Variants in G6PD observed in about 807,000 individuals in gnomAD.
The protein encoded by G6PD is glucose-6-phosphate dehydrogenase, also known as glucose-6-phosphate 1-dehydrogenase.
In G6PD, 2 loss-of-function variants were observed where a neutral mutation model predicts 38.2. The observed-to-expected ratio is 0.05, with a 90% CI of 0.02 to 0.16. The LOEUF is 0.16. Among genes scored for constraint, G6PD ranks in the 10% least tolerant of loss-of-function variants. G6PD has a pLI of 1.00. For missense variants in G6PD, 310 were observed against 471.6 expected (o/e 0.66, Z 3.17); for synonymous variants, 188 against 196.0 (o/e 0.96, Z 0.34).
upstream of G6PD, chrX:154,547,213 C>T: frequency 5.9e-6 from 3 of 510,796 alleles, no homozygotes; most frequent in South Asian, 9.9e-5. Context: ...GAGGGCTCCA[C>T]TTCCGCCGGC....
chrX:154,544,113 A>T (rs2070612787), intron 2 of G6PD, among the ~76,000 whole-genome samples: 1 of 109,534 alleles, frequency 9.1e-6, no homozygotes, highest in African/African-American at 3.3e-5. Context: ...CACCCGCTTC[A>T]GCCTCCCAAA....
At chrX:154,542,575 G>A (rs1332563141) in intron 2 of G6PD, 1 of 928,016 alleles carries the variant, frequency 1.1e-6, no homozygotes, top group Non-Finnish European at 1.4e-6. Context: ...GTGGGCAAGT[G>A]TGAGGTAAGC....
intron 2 of G6PD, chrX:154,541,319 C>T (rs2070498380): frequency 9.0e-6 from 1 of 111,700 alleles, no homozygotes; most frequent in African/African-American, 3.3e-5. Context: ...AACCGGCTCA[C>T]CTTGTTTCAG....
At position 154,533,181 on chromosome X, in the gene G6PD, C is replaced by T. The variant is rs1180298686; in HGVS notation, c.865-53G>A. ...GCTCCTTGGGTGTTGAGTTGGGGTG[C>T]AGGGATGACTGTGGCCACAGATGTG... On this transcript the variant is annotated intron_variant, in intron 8 of 12. Coordinates refer to ENST00000393562, the MANE Select transcript of G6PD (RefSeq NM_001360016.2). 2.6e-6 allele frequency: 3 copies of T among 1,151,199 alleles called. No individual in the cohort carries two copies. In the African/African-American group the frequency reaches 5.3e-5, roughly 20 times the overall value. The allele number at this position is 1,151,199 out of a possible 1,213,427, so 94.9% of individuals were successfully genotyped here.
rs2070348615 is a variant in G6PD, at chrX:154,532,368, C to T, written c.1364+18G>A. The T allele has an allele frequency of 1.7e-6, 2 of 1,210,958 alleles. No individual in the cohort carries two copies. Among genetic ancestry groups the T allele is most frequent in the East Asian group, 5.9e-5 (2 of 33,842 alleles). On this transcript the variant is annotated intron_variant, in intron 11 of 12. Transcript: ENST00000393562. ...CCCATAGCCCACAGGTATGCAGGGG[C>T]CGGCAGCTGGGCCTCACCTGCGCAC...
intron 2 of G6PD, among the ~76,000 whole-genome samples, chrX:154,543,184 C>T (rs782272299): frequency 2.7e-5 from 3 of 112,343 alleles, no homozygotes; most frequent in Non-Finnish European, 5.6e-5. Flanking sequence ...AGAGAGAGGA[C>T]CCCTTGTCCC....
chrX:154,537,884 T>G (rs782732386), intron 2 of G6PD, among the ~76,000 whole-genome samples: 58 of 110,709 alleles, frequency 5.2e-4, no homozygotes, highest in African/African-American at 1.5e-3. Context: ...CACACACACA[T>G]GCAGATGCAG....
At chrX:154,537,230 G>A (rs1202679001) in intron 2 of G6PD, among the ~76,000 whole-genome samples, 6 of 112,096 alleles carry the variant, frequency 5.4e-5, no homozygotes, top group East Asian at 2.8e-4. Context: ...ACTTGAACCC[G>A]GGAGATGGAG....
Position 154,535,391 on chromosome X carries a change from A to C in G6PD, c.268-6T>G. ...AGCTTCTCCTCTGGGGTGGCCTGGG[A>C]GACACGGACAGACAGACACACAGAC... On this transcript the variant is annotated splice_polypyrimidine_tract_variant and splice_region_variant and intron_variant, in intron 4 of 12. Transcript: ENST00000393562. 2 of 1,188,712 alleles carry C rather than the reference A, an allele frequency of 1.7e-6. No individual in the cohort carries two copies. The highest frequency in any genetic ancestry group is 2.3e-6 in the Non-Finnish European group (2 of 876,621).
Position 154,531,626 on chromosome X carries a change from GCC to G in G6PD, c.*372_*373del, listed in dbSNP as rs1445759395. ...GGCAGATTCTCTCACGTGGGTGCTC[GCC>G]CCTTTCCTCCCCCTCGTCCCTCCCT... On this transcript the variant is annotated 3_prime_UTR_variant, in exon 13 of 13. Coordinates refer to ENST00000393562, the MANE Select transcript of G6PD (RefSeq NM_001360016.2). 2 of 270,067 alleles carry G rather than the reference GCC, an allele frequency of 7.4e-6. No individual in the cohort carries two copies. Among genetic ancestry groups the G allele is most frequent in the Admixed American group, 5.8e-5 (1 of 17,141 alleles). 22.3% of individuals were successfully genotyped at this position (270,067 alleles called of 1,213,427 possible). A position where few individuals can be genotyped will look rare whatever the true frequency, so the allele number is the denominator to read the frequency against.
chrX:154,536,624 C>T (rs984250415), intron 2 of G6PD, among the ~76,000 whole-genome samples: 37 of 111,476 alleles, frequency 3.3e-4, no homozygotes, highest in African/African-American at 1.1e-3. Context: ...CACCTGAAGT[C>T]AGGAGTTCAA....
chrX:154,543,887 AGAT>A (rs1452476666), intron 2 of G6PD, among the ~76,000 whole-genome samples: 1 of 93,085 alleles, frequency 1.1e-5, no homozygotes, highest in Non-Finnish European at 2.1e-5. Context: ...TTTTTTTTTG[AGAT>A]GGAGTCTCAC....
rs782319910 is a variant in G6PD, at chrX:154,534,305, C to G, written c.644+33G>C. 11 of 1,206,496 alleles carry G rather than the reference C, an allele frequency of 9.1e-6. No individual in the cohort carries two copies. The African/African-American group carries it at 1.2e-4, about 13-fold the overall frequency. ...AGGTGAGGCTCCTGAGTACCACCCC[C>G]ACCCTGGTCCCCCGGCCCAGGCTTG... On this transcript the variant is annotated intron_variant, in intron 6 of 12. Coordinates refer to ENST00000393562, the MANE Select transcript of G6PD (RefSeq NM_001360016.2).
At chrX:154,539,476 C>G (rs2070450867) in intron 2 of G6PD, among the ~76,000 whole-genome samples, 1 of 111,121 alleles carries the variant, frequency 9.0e-6, no homozygotes, top group Non-Finnish European at 1.9e-5. Context: ...GGTGTACAGC[C>G]AATTGTACAG....
At chrX:154,538,555 A>G (rs1223520668) in intron 2 of G6PD, among the ~76,000 whole-genome samples, 1 of 112,040 alleles carries the variant, frequency 8.9e-6, no homozygotes, top group Non-Finnish European at 1.9e-5. Context: ...AGTGTTTCAG[A>G]AATCACCTAT....
intron 6 of G6PD, 85 bp from the exon 7 acceptor site, chrX:154,534,245 T>A: frequency 8.3e-7 from 1 of 1,204,968 alleles, no homozygotes; most frequent in Non-Finnish European, 1.1e-6. Context: ...TTGTCTGAGT[T>A]CTGGAGGAAT....
At chrX:154,547,281 C>A (rs1229965769), upstream of G6PD, 9 of 728,026 alleles carry the variant, frequency 1.2e-5, no homozygotes, top group Non-Finnish European at 1.5e-5. Context: ...CCTTCTGCCG[C>A]GCCACTCCCC....
At chrX:154,543,238 A>G (rs1271872061) in intron 2 of G6PD, among the ~76,000 whole-genome samples, 1 of 112,427 alleles carries the variant, frequency 8.9e-6, no homozygotes, top group Admixed American at 9.4e-5. Flanking sequence ...TCTGCTTTGA[A>G]AGCCTCAGGT....
Position 154,531,705 on chromosome X carries a change from A to C in G6PD, c.*295T>G. 6.9e-6 allele frequency: 2 copies of C among 290,363 alleles called. No homozygotes were observed. The highest frequency in any genetic ancestry group is 6.3e-6 in the Non-Finnish European group (1 of 159,728). The allele number at this position is 290,363 out of a possible 1,213,427, so 23.9% of individuals were successfully genotyped here. A position where few individuals can be genotyped will look rare whatever the true frequency, so the allele number is the denominator to read the frequency against. ...GACCCAGTGGCCAATAAGCTCTGGG[A>C]CAGACGAATGGGCGCCCTCCTCCTT... On this transcript the variant is annotated 3_prime_UTR_variant, in exon 13 of 13. Coordinates refer to ENST00000393562, the MANE Select transcript of G6PD (RefSeq NM_001360016.2).
Sources: allele counts gnomAD v4.1 joint callset (sites outside exome capture counted in the v4.1 genomes callset), GRCh38; gene constraint gnomAD v4.1.1; transcripts MANE v1.5; gene names NCBI Gene and HGNC (gene_info 2026-07-23, HGNC 2026-07-21).